TMTC2: variants seen among roughly 807,000 people sequenced by gnomAD.
TMTC2 encodes the protein transmembrane O-mannosyltransferase targeting cadherins 2, also known as protein O-mannosyl-transferase TMTC2.
Under a neutral mutation model 82.4 loss-of-function variants are expected in TMTC2, and 43 were observed. The observed-to-expected ratio is 0.52, with a 90% CI of 0.41 to 0.67. The LOEUF (loss-of-function observed/expected upper bound fraction) is 0.67. Among genes scored for constraint, TMTC2 ranks in the 30% least tolerant of loss-of-function variants. TMTC2 has a pLI of 0.00. For synonymous variants in TMTC2, 408 were observed against 381.9 expected (o/e 1.07, Z -0.80); for missense variants, 919 against 1,012.4 (o/e 0.91, Z 1.25).
chr12:82,925,147 T>C (rs1472174983), intron 3 of TMTC2, among the ~76,000 whole-genome samples: 1 of 152,244 alleles, frequency 6.6e-6, no homozygotes, highest in East Asian at 1.9e-4. Flanking sequence ...AAATCTGTGA[T>C]ATCCATACCT....
At chr12:82,752,743 T>A (rs1876084940) in intron 1 of TMTC2, among the ~76,000 whole-genome samples, 1 of 151,858 alleles carries the variant, frequency 6.6e-6, no homozygotes, top group African/African-American at 2.4e-5. Flanking sequence ...AAGACAAATG[T>A]GTGCTGTATT....
At chr12:82,814,699 C>A (rs1165371801) in intron 1 of TMTC2, among the ~76,000 whole-genome samples, 2 of 152,026 alleles carry the variant, frequency 1.3e-5, no homozygotes, top group African/African-American at 4.8e-5. Context: ...ACTTTAAAAC[C>A]AAATGAATAT....
intron 1 of TMTC2, among the ~76,000 whole-genome samples, chr12:82,701,582 T>A: frequency 7.2e-6 from 1 of 138,890 alleles, no homozygotes. Context: ...AGAAACCCCG[T>A]CTTTACTAAA....
At chr12:82,920,829 A>G (rs148548904) in intron 3 of TMTC2, among the ~76,000 whole-genome samples, 1 of 152,294 alleles carries the variant, frequency 6.6e-6, no homozygotes, top group Admixed American at 6.5e-5. Flanking sequence ...TGTCACATGT[A>G]AAGTATCTTC....
chr12:82,891,665 C>T (rs1291738918), intron 2 of TMTC2, among the ~76,000 whole-genome samples: 1 of 152,078 alleles, frequency 6.6e-6, no homozygotes, highest in East Asian at 1.9e-4. Flanking sequence ...TTGAAAATTG[C>T]AGTTTCATAC....
At chr12:83,040,370 C>T (rs1034719233) in intron 9 of TMTC2, among the ~76,000 whole-genome samples, 2 of 152,092 alleles carry the variant, frequency 1.3e-5, no homozygotes, top group Admixed American at 6.6e-5. Flanking sequence ...GAGCTCTGAT[C>T]ATTGTGTTCT....
intron 4 of TMTC2, among the ~76,000 whole-genome samples, chr12:82,937,762 A>ATG (rs1876430234): frequency 2.7e-4 from 5 of 18,624 alleles, no homozygotes; most frequent in African/African-American, 9.6e-4. Context: ...ATATATATAT[A>ATG]TATATATATA....
chr12:82,835,409 G>T (rs1394575368), intron 1 of TMTC2, among the ~76,000 whole-genome samples: 1 of 152,036 alleles, frequency 6.6e-6, no homozygotes, highest in Non-Finnish European at 1.5e-5. Context: ...AAATGTCCCA[G>T]TATTTTTCCA....
chr12:83,019,224 A>G (rs1044209374), intron 8 of TMTC2, among the ~76,000 whole-genome samples: 2 of 152,034 alleles, frequency 1.3e-5, no homozygotes, highest in African/African-American at 2.4e-5. Flanking sequence ...GTTATTTTTT[A>G]AAAACCCTCA....
intron 10 of TMTC2, among the ~76,000 whole-genome samples, chr12:83,056,061 G>A (rs960553671): frequency 6.6e-6 from 1 of 151,852 alleles, no homozygotes; most frequent in Non-Finnish European, 1.5e-5. Flanking sequence ...TGACTTTATT[G>A]ATAGAGAAAA....
At chr12:82,757,019 T>C (rs1592496765) in intron 1 of TMTC2, among the ~76,000 whole-genome samples, 1 of 152,192 alleles carries the variant, frequency 6.6e-6, no homozygotes, top group African/African-American at 2.4e-5. Flanking sequence ...TTTCCAGGGA[T>C]AAAAAGACAA....
intron 8 of TMTC2, among the ~76,000 whole-genome samples, chr12:83,026,483 G>T (rs1881182505): frequency 6.6e-6 from 1 of 151,936 alleles, no homozygotes; most frequent in African/African-American, 2.4e-5. Context: ...GTGCCTTCAG[G>T]TGTCATTTAG....
chr12:82,857,554 A>C lies in TMTC2; in HGVS notation c.628A>C (p.Lys210Gln). The change falls in exon 2 of 12, where the codon AAA (lysine) becomes CAA (glutamine). Residue 210 changes from lysine (K) to glutamine (Q), a missense_variant. Physicochemically the swap from Lys to Gln is moderately conservative, Grantham distance 53 (BLOSUM62 1). Transcript: ENST00000321196. ...DVFVFHRLKI[K>Q]QILPTIYKRK... ...CTTTGTCTTTCACAGGCTGAAAATA[A>C]AACAGATATTACCTACCATTTACAA... is the stretch of plus-strand genomic sequence containing the variant. 6.2e-7 allele frequency: 1 copy of C among 1,611,908 alleles called. No homozygotes were observed. Among genetic ancestry groups the C allele is most frequent in the Non-Finnish European group, 8.5e-7 (1 of 1,179,044 alleles).
Position 82,946,010 on chromosome 12 carries a change from C to T in TMTC2, c.1598+15465C>T, listed in dbSNP as rs182528706. Among the ~76,000 whole-genome samples, 566 of 152,194 alleles carry T rather than the reference C, an allele frequency of 3.7e-3. 6 individuals carry two copies. Among genetic ancestry groups the T allele is most frequent in the African/African-American group, 0.013 (540 of 41,530 alleles). On this transcript the variant is annotated intron_variant, in intron 4 of 11. Transcript: ENST00000321196. The stretch of plus-strand genomic sequence containing the variant: ...TTATTTCTATAGCTAAATTATATCA[C>T]TCATTTCTTTCAATTCTTTGCTTCA...
At chr12:82,774,384 G>T (rs532847811) in intron 1 of TMTC2, among the ~76,000 whole-genome samples, 11 of 152,218 alleles carry the variant, frequency 7.2e-5, no homozygotes, top group Admixed American at 6.5e-5. Flanking sequence ...ACTTTGGGAG[G>T]CTGAGGAGGG....
chr12:82,804,201 T>C (rs916604180), intron 1 of TMTC2, among the ~76,000 whole-genome samples: 12 of 152,050 alleles, frequency 7.9e-5, no homozygotes, highest in African/African-American at 2.9e-4. Context: ...CATGAAGAAG[T>C]CAATGCAGTA....
intron 11 of TMTC2, among the ~76,000 whole-genome samples, chr12:83,115,086 C>G (rs1026895815): frequency 1.4e-4 from 21 of 151,994 alleles, no homozygotes; most frequent in African/African-American, 5.1e-4. Context: ...TGACAGGTTC[C>G]AATTCCTTGG....
At chr12:82,965,893 A>G (rs1185655050) in intron 6 of TMTC2, 149 bp downstream of exon 6, 7 of 753,230 alleles carry the variant, frequency 9.3e-6, no homozygotes, top group Admixed American at 8.1e-5. Context: ...AAACTAATAC[A>G]TGATGACATT....
intron 1 of TMTC2, among the ~76,000 whole-genome samples, chr12:82,718,150 C>A (rs950837558): frequency 3.9e-5 from 6 of 152,140 alleles, no homozygotes; most frequent in Non-Finnish European, 8.8e-5. Context: ...AAATTGCAAC[C>A]TCTGGCATAA....
Sources: allele counts gnomAD v4.1 joint callset (sites outside exome capture counted in the v4.1 genomes callset), GRCh38; gene constraint gnomAD v4.1.1; transcripts MANE v1.5; gene names NCBI Gene and HGNC (gene_info 2026-07-23, HGNC 2026-07-21).